Variants in RYR2 observed in about 807,000 individuals in gnomAD.
RYR2 encodes ryanodine receptor 2, also known as cardiac muscle ryanodine receptor-calcium release channel.
Under a neutral mutation model 601.1 loss-of-function variants are expected in RYR2, and 227 were observed. The ratio of observed to expected loss-of-function variants is 0.38; its 90% CI spans 0.34 to 0.42. The LOEUF is 0.42. Among genes scored for constraint, RYR2 ranks in the 10% least tolerant of loss-of-function variants. RYR2 has a pLI of 1.00. For synonymous variants in RYR2, 2,223 were observed against 2,175.1 expected, an observed-to-expected ratio of 1.02 and a Z score of -0.61; for missense variants, 4,646 against 6,156.5, an observed-to-expected ratio of 0.75 and a Z score of 8.21.
chr1:237,371,025 G>T (rs1386013184), intron 6 of RYR2, among the ~76,000 whole-genome samples: 3 of 151,554 alleles, frequency 2.0e-5, no homozygotes, highest in African/African-American at 4.8e-5. Flanking sequence ...CGATTTGGAA[G>T]TTGCAGAAGA....
At chr1:237,712,171 C>T (rs985645793) in intron 71 of RYR2, among the ~76,000 whole-genome samples, 1 of 152,062 alleles carries the variant, frequency 6.6e-6, no homozygotes, top group African/African-American at 2.4e-5. Flanking sequence ...AAGACGTGGG[C>T]GAGAGCTTGC....
At chr1:237,266,823 CTG>C (rs2149332672) in intron 1 of RYR2, among the ~76,000 whole-genome samples, 1 of 152,256 alleles carries the variant, frequency 6.6e-6, no homozygotes, top group East Asian at 1.9e-4. Context: ...TGATTGAAAG[CTG>C]TAGCTATAGC....
Position 237,590,757 on chromosome 1 carries a change from G to A in RYR2, c.3925G>A (p.Glu1309Lys), listed in dbSNP as rs1055961498. 1 of 1,613,768 alleles carries A rather than the reference G, an allele frequency of 6.2e-7. No individual in the cohort carries two copies. The highest frequency in any genetic ancestry group is 1.7e-5 in the Admixed American group (1 of 60,010). Residue 1309 changes from glutamate to lysine, a missense_variant, in exon 31 of 105, where the codon GAG becomes AAG. Around this residue, in one of 17 missense-constraint regions of RYR2, gnomAD observed 1,807 missense variants for 2,088.1 expected, o/e 0.87. Coordinates refer to ENST00000366574, the MANE Select transcript of RYR2 (RefSeq NM_001035.3). The part of the protein sequence containing the change: ...IMFYRLSMPI[E>K]CAEVFSKTVA... ...GTTTTATCGCCTGAGCATGCCGATC[G>A]AGTGCGCGGAGGTCTTCTCCAAGAC...
At chr1:237,448,661 C>T (rs535286959) in intron 14 of RYR2, among the ~76,000 whole-genome samples, 10 of 151,878 alleles carry the variant, frequency 6.6e-5, no homozygotes, top group Non-Finnish European at 1.3e-4. Flanking sequence ...TTTGAAGCTC[C>T]GTTATTAAGT....
At chr1:237,148,563 C>CACATAT (rs1260701401) in intron 1 of RYR2, among the ~76,000 whole-genome samples, 1 of 82,378 alleles carries the variant, frequency 1.2e-5, no homozygotes, top group African/African-American at 3.9e-5. Flanking sequence ...TACACACACA[C>CACATAT]ATATATATAT....
intron 29 of RYR2, among the ~76,000 whole-genome samples, chr1:237,573,064 C>T (rs762324019): frequency 6.6e-6 from 1 of 152,132 alleles, no homozygotes; most frequent in Non-Finnish European, 1.5e-5. Context: ...ATTTTTCTTA[C>T]ACCTAGCCTG....
At chr1:237,665,020 T>C (rs1684174419) in intron 56 of RYR2, among the ~76,000 whole-genome samples, 1 of 152,250 alleles carries the variant, frequency 6.6e-6, no homozygotes, top group African/African-American at 2.4e-5. Flanking sequence ...TCCATTTCTT[T>C]GTGTCAGGCA....
At chr1:237,135,588 G>C (rs1343375762) in intron 1 of RYR2, among the ~76,000 whole-genome samples, 1 of 148,320 alleles carries the variant, frequency 6.7e-6, no homozygotes, top group East Asian at 2.0e-4. Flanking sequence ...TCCTTAACCA[G>C]AATGGTCTCG....
At chr1:237,210,116 G>GTTC (rs10679940) in intron 1 of RYR2, among the ~76,000 whole-genome samples, 49,902 of 151,722 alleles carry the variant, frequency 0.33, 8,704 homozygotes, top group East Asian at 0.55. Flanking sequence ...TGCATATATT[G>GTTC]TTCTTTTATT....
intron 1 of RYR2, among the ~76,000 whole-genome samples, chr1:237,176,674 C>G (rs749425870): frequency 1.3e-5 from 2 of 152,014 alleles, no homozygotes; most frequent in African/African-American, 2.4e-5. Context: ...ATCAAACTGT[C>G]AATACATTCT....
At chr1:237,091,952 C>T (rs1667003511) in intron 1 of RYR2, among the ~76,000 whole-genome samples, 1 of 152,198 alleles carries the variant, frequency 6.6e-6, no homozygotes, top group African/African-American at 2.4e-5. Flanking sequence ...AGCAGAGAGT[C>T]AACAGGGGAT....
chr1:237,189,331 T>A (rs1431627113), intron 1 of RYR2, among the ~76,000 whole-genome samples: 3 of 152,236 alleles, frequency 2.0e-5, no homozygotes, highest in African/African-American at 7.2e-5. Context: ...TGCTTCCACC[T>A]TTTAGCTATT....
At chr1:237,445,778 C>A (rs970198557) in intron 14 of RYR2, among the ~76,000 whole-genome samples, 1 of 151,972 alleles carries the variant, frequency 6.6e-6, no homozygotes, top group East Asian at 1.9e-4. Flanking sequence ...GATTTAATGA[C>A]TACTTTTCCT....
chr1:237,460,123 C>T (rs1318536580), intron 16 of RYR2, among the ~76,000 whole-genome samples: 7 of 152,118 alleles, frequency 4.6e-5, no homozygotes, highest in African/African-American at 7.2e-5. Context: ...TCCTCTAGTG[C>T]GGCCTTTTCT....
chr1:237,539,047 G>A (rs1668975316), intron 25 of RYR2, among the ~76,000 whole-genome samples: 1 of 152,106 alleles, frequency 6.6e-6, no homozygotes, highest in Non-Finnish European at 1.5e-5. Flanking sequence ...TGGATGCACA[G>A]GCCATATAAC....
At chr1:237,593,327 C>T in intron 32 of RYR2, 149 bp from the exon 33 acceptor site, 1 of 615,800 alleles carries the variant, frequency 1.6e-6, no homozygotes, top group Non-Finnish European at 2.6e-6. Context: ...GTCCTTTGTG[C>T]CTACAATATT....
chr1:237,265,541 C>T (rs1280164090), intron 1 of RYR2, among the ~76,000 whole-genome samples: 5 of 152,104 alleles, frequency 3.3e-5, no homozygotes. Flanking sequence ...AGGCTGGTCT[C>T]GATCTCCTGA....
chr1:237,477,271 G>C (rs1448302475), intron 17 of RYR2, among the ~76,000 whole-genome samples: 2 of 152,012 alleles, frequency 1.3e-5, no homozygotes, highest in Non-Finnish European at 2.9e-5. Flanking sequence ...CGCACCTGTA[G>C]TCCCTGCTAC....
chr1:237,641,471 GTCTTTCTTTCTTTCTT>G (rs796832994), intron 47 of RYR2, among the ~76,000 whole-genome samples: 255 of 108,704 alleles, frequency 2.3e-3, no homozygotes, highest in South Asian at 5.4e-3. Context: ...GTGTCTGTCT[GTCTTTCTTTCTTTCTT>G]TCTTTCTTTC....
Sources: gnomAD v4.1 joint callset for allele counts (sites outside exome capture counted in the v4.1 genomes callset) on GRCh38, gnomAD v4.1.1 for gene constraint, gnomAD v4.1.1 regional missense constraint, MANE v1.5 for transcripts, NCBI Gene and HGNC (gene_info 2026-07-23, HGNC 2026-07-21) for gene names.